The following CCSER1 variants were observed in gnomAD, a reference collection of about 807,000 sequenced individuals.
CCSER1 encodes the protein coiled-coil serine rich protein 1.
A neutral mutation model predicts 82.0 loss-of-function variants in CCSER1; 41 were observed. That is an observed-to-expected ratio of 0.50 (90% CI 0.39 to 0.65). The LOEUF is 0.65. Ranked by LOEUF, CCSER1 falls within the 30% of genes least tolerant of loss-of-function variation. The pLI is 0.00. For synonymous variants in CCSER1, 414 were observed against 383.9 expected (o/e 1.08, Z -0.92); for missense variants, 1,119 against 1,064.2 (o/e 1.05, Z -0.72).
At chr4:91,201,654 G>T (rs558033979) in intron 10 of CCSER1, among the ~76,000 whole-genome samples, 23 of 152,072 alleles carry the variant, frequency 1.5e-4, no homozygotes, top group African/African-American at 5.5e-4. Context: ...CCTCAGAAAG[G>T]CAATATCGTG....
At chr4:90,153,837 A>G (rs367818170) in intron 1 of CCSER1, among the ~76,000 whole-genome samples, 19 of 152,062 alleles carry the variant, frequency 1.2e-4, no homozygotes, top group South Asian at 2.1e-4. Context: ...TAGGTTGCCT[A>G]TTCACTCTGA....
chr4:90,227,081 C>T (rs544563340), intron 1 of CCSER1, among the ~76,000 whole-genome samples: 1 of 152,216 alleles, frequency 6.6e-6, no homozygotes, highest in Non-Finnish European at 1.5e-5. Context: ...AAGGCTTTCT[C>T]TGCATAACCC....
chr4:91,130,161 T>C (rs1185063639), intron 10 of CCSER1: 1 of 151,964 alleles, frequency 6.6e-6, no homozygotes, highest in East Asian at 1.9e-4. Context: ...TCAATTTCAA[T>C]CAATTAAAAT....
intron 8 of CCSER1, among the ~76,000 whole-genome samples, chr4:90,854,018 A>G (rs1000836147): frequency 6.6e-6 from 1 of 152,190 alleles, no homozygotes; most frequent in Non-Finnish European, 1.5e-5. Context: ...AGTATATAGT[A>G]TAGTATGGCT....
At chr4:91,081,096 A>G (rs1319451056) in intron 9 of CCSER1, among the ~76,000 whole-genome samples, 6 of 152,174 alleles carry the variant, frequency 3.9e-5, no homozygotes, top group Admixed American at 3.9e-4. Context: ...CCTGGCAGAG[A>G]CACAACAAAA....
chr4:90,405,647 G>T (rs1218342395), intron 4 of CCSER1, among the ~76,000 whole-genome samples: 1 of 152,132 alleles, frequency 6.6e-6, no homozygotes, highest in Non-Finnish European at 1.5e-5. Context: ...AAACCTATCA[G>T]ATTAACAGCA....
chr4:90,357,250 A>T (rs1012531903), intron 3 of CCSER1, among the ~76,000 whole-genome samples: 2 of 151,974 alleles, frequency 1.3e-5, no homozygotes, highest in Admixed American at 6.6e-5. Context: ...CATAGCAGGT[A>T]TAGGCCACTT....
At chr4:91,131,169 A>T (rs1446930878) in intron 10 of CCSER1, among the ~76,000 whole-genome samples, 2 of 151,970 alleles carry the variant, frequency 1.3e-5, no homozygotes, top group East Asian at 3.9e-4. Context: ...CTGATATCTA[A>T]TATGCTACCC....
chr4:90,783,970 C>A (rs7698837), intron 7 of CCSER1, among the ~76,000 whole-genome samples: 6 of 150,780 alleles, frequency 4.0e-5, no homozygotes, highest in South Asian at 2.1e-4. Flanking sequence ...CTGCAACTTA[C>A]AAAAAAAAAG....
At chr4:90,569,800 A>C (rs1253124115) in intron 5 of CCSER1, among the ~76,000 whole-genome samples, 3 of 152,278 alleles carry the variant, frequency 2.0e-5, no homozygotes, top group African/African-American at 7.2e-5. Flanking sequence ...CAGGGCCACC[A>C]CTGCTGCAGG....
chr4:90,968,034 A>G (rs1329163072), intron 9 of CCSER1, among the ~76,000 whole-genome samples: 1 of 151,938 alleles, frequency 6.6e-6, no homozygotes, highest in African/African-American at 2.4e-5. Context: ...GTGAATTCCT[A>G]CCTTCCTTAA....
chr4:91,368,379 G>A (rs1362296309), intron 10 of CCSER1, among the ~76,000 whole-genome samples: 1 of 152,050 alleles, frequency 6.6e-6, no homozygotes, highest in African/African-American at 2.4e-5. Flanking sequence ...ACAGCAGGAA[G>A]ACCATAATGT....
intron 6 of CCSER1, among the ~76,000 whole-genome samples, chr4:90,708,356 T>C (rs2149312841): frequency 6.6e-6 from 1 of 152,276 alleles, no homozygotes; most frequent in African/African-American, 2.4e-5. Flanking sequence ...CTGCATGTGA[T>C]CCTGCTAGCA....
At chr4:91,390,435 A>G (rs917028693) in intron 10 of CCSER1, among the ~76,000 whole-genome samples, 2 of 151,730 alleles carry the variant, frequency 1.3e-5, no homozygotes, top group Admixed American at 6.6e-5. Context: ...GTTGGATTTT[A>G]TTTGCTAATT....
intron 6 of CCSER1, among the ~76,000 whole-genome samples, chr4:90,702,951 G>T (rs189571941): frequency 1.1e-3 from 172 of 152,210 alleles, no homozygotes; most frequent in Admixed American, 2.7e-3. Flanking sequence ...TTTTTGAAGG[G>T]TTTTTTATGC....
intron 9 of CCSER1, among the ~76,000 whole-genome samples, chr4:91,047,239 T>TAC (rs1268690345): frequency 2.0e-4 from 30 of 151,624 alleles, no homozygotes; most frequent in South Asian, 6.3e-4. Context: ...CATATATATA[T>TAC]ACACACACAC....
At chr4:90,322,331 G>C (rs1431775452) in intron 3 of CCSER1, among the ~76,000 whole-genome samples, 2 of 152,064 alleles carry the variant, frequency 1.3e-5, no homozygotes, top group Non-Finnish European at 2.9e-5. Context: ...CTGTTCCATT[G>C]GTCTGCGTGT....
intron 9 of CCSER1, among the ~76,000 whole-genome samples, chr4:90,926,495 C>A (rs189895546): frequency 3.9e-5 from 6 of 151,944 alleles, no homozygotes; most frequent in Non-Finnish European, 8.8e-5. Context: ...AAATAGAATT[C>A]CCAGAAAACA....
intron 5 of CCSER1, among the ~76,000 whole-genome samples, chr4:90,481,953 C>A (rs980027902): frequency 6.6e-6 from 1 of 152,154 alleles, no homozygotes; most frequent in South Asian, 2.1e-4. Flanking sequence ...ATGGTACCAG[C>A]TGCTCCTTGT....
Sources: allele counts gnomAD v4.1 joint callset (sites outside exome capture counted in the v4.1 genomes callset), GRCh38; gene constraint gnomAD v4.1.1; transcripts MANE v1.5; gene names NCBI Gene and HGNC (gene_info 2026-07-23, HGNC 2026-07-21).